Variants in HARBI1 observed in about 807,000 individuals in gnomAD.
The protein encoded by HARBI1 is putative nuclease HARBI1.
In HARBI1, 15 loss-of-function variants were observed where a neutral mutation model predicts 25.3. The ratio of observed to expected loss-of-function variants is 0.59; its 90% confidence interval spans 0.40 to 0.91. HARBI1 has a LOEUF of 0.91. HARBI1 is among the 40% of genes least tolerant of loss of function. HARBI1 has a pLI of 0.00. For synonymous variants in HARBI1, 168 were observed against 160.5 expected, an observed-to-expected ratio of 1.05 and a Z score of -0.35; for missense variants, 396 against 445.8, an observed-to-expected ratio of 0.89 and a Z score of 1.01.
At chr11:46,604,383 C>T (rs1279471155) in intron 2 of HARBI1, 7 of 851,862 alleles carry the variant, frequency 8.2e-6, no homozygotes, top group African/African-American at 1.8e-5. Flanking sequence ...CCAACCTGGG[C>T]GACAAGCGCG....
chr11:46,604,694 TC>T (rs1383568871), intron 2 of HARBI1: 1 of 985,190 alleles, frequency 1.0e-6, no homozygotes, highest in African/African-American at 1.7e-5. Flanking sequence ...AAGATAAAAG[TC>T]CGAGCACTTA....
intron 2 of HARBI1, among the ~76,000 whole-genome samples, chr11:46,614,516 G>A (rs189939541): frequency 4.6e-5 from 7 of 152,202 alleles, no homozygotes; most frequent in Admixed American, 4.6e-4. Context: ...TGGGAGGATA[G>A]CTTGAGGCCA....
At chr11:46,616,831 CAAAAAAA>C (rs749013239) in intron 1 of HARBI1, 135 of 605,008 alleles carry the variant, frequency 2.2e-4, no homozygotes, top group African/African-American at 5.4e-4. Context: ...AAAGAAGGGG[CAAAAAAA>C]AAAAAAAAAA....
At chr11:46,612,144 T>A (rs1025207235) in intron 2 of HARBI1, among the ~76,000 whole-genome samples, 4 of 152,192 alleles carry the variant, frequency 2.6e-5, no homozygotes, top group African/African-American at 7.2e-5. Flanking sequence ...AATGAGCATG[T>A]GCAGTGCAGA....
chr11:46,604,996 T>G (rs1022173542), intron 2 of HARBI1, among the ~76,000 whole-genome samples: 2 of 152,194 alleles, frequency 1.3e-5, no homozygotes, highest in Admixed American at 1.3e-4. Flanking sequence ...GTTAGTATAA[T>G]GCTTTCTTGT....
chr11:46,604,174 A>G (rs1565344282), intron 2 of HARBI1: 1 of 985,404 alleles, frequency 1.0e-6, no homozygotes, highest in Non-Finnish European at 1.2e-6. Context: ...GCCAAATATG[A>G]AAGAATGTAG....
intron 2 of HARBI1, among the ~76,000 whole-genome samples, chr11:46,607,681 A>G (rs983890996): frequency 2.0e-5 from 3 of 152,218 alleles, no homozygotes; most frequent in African/African-American, 7.2e-5. Flanking sequence ...GATTAGGATC[A>G]GAATTGCTAA....
intron 2 of HARBI1, among the ~76,000 whole-genome samples, chr11:46,605,504 CT>C (rs2044904255): frequency 6.6e-6 from 1 of 150,712 alleles, no homozygotes; most frequent in South Asian, 2.1e-4. Flanking sequence ...GCTTACATTT[CT>C]GGATTAACTG....
At chr11:46,604,781 G>T in intron 2 of HARBI1, 3 of 765,096 alleles carry the variant, frequency 3.9e-6, no homozygotes, top group Non-Finnish European at 4.8e-6. Context: ...GTAAGAGGAA[G>T]AATTTCACAT....
chr11:46,617,545 C>A (rs988446541), upstream of HARBI1: 6 of 239,548 alleles, frequency 2.5e-5, 1 homozygote, highest in South Asian at 2.1e-4. Flanking sequence ...CTTTCACCCC[C>A]CCCCCCCGGC....
Position 46,615,626 on chromosome 11 carries a change from C to T in HARBI1, c.612G>A (p.Gln204=). 5 of 1,614,234 alleles carry T rather than the reference C, an allele frequency of 3.1e-6. No homozygotes were observed. The highest frequency in any genetic ancestry group is 4.2e-6 in the Non-Finnish European group (5 of 1,180,040). ...PGSLQDCAVL[Q]QSSLSSQFEA... ...CAAACTGACTACTGAGGGAAGACTG[C>T]TGCAGCACAGCACAGTCCTGTAGGC... The change falls in exon 2 of 3, where the codon CAG becomes CAA. Residue 204 remains glutamine (Q), a synonymous_variant. Transcript: ENST00000326737.
intron 2 of HARBI1, chr11:46,604,305 A>G: frequency 2.2e-6 from 2 of 901,368 alleles, no homozygotes; most frequent in Non-Finnish European, 2.7e-6. Flanking sequence ...TGAGGCCCGG[A>G]GTTCAAGACC....
In HARBI1 at chr11:46,616,076, C is replaced by T; in HGVS notation, c.162G>A (p.Gly54=). 3 of 1,614,182 alleles carry T rather than the reference C, an allele frequency of 1.9e-6. No homozygotes were observed. Among genetic ancestry groups the T allele is most frequent in the African/African-American group, 1.3e-5 (1 of 75,040 alleles). ...QFIYYLVELL[G]ANLSRPTQRS... ...GCTGAGTAGGCCTAGAAAGATTCGC[C>T]CCCAAGAGCTCCACCAAGTAATAAA... The change falls in exon 2 of 3, where the codon GGG becomes GGA. Residue 54 remains glycine (G), a synonymous_variant. Coordinates refer to ENST00000326737, the MANE Select transcript of HARBI1 (RefSeq NM_173811.4).
chr11:46,615,723 T>G lies in HARBI1; in HGVS notation c.515A>C (p.His172Pro), dbSNP rs2045370521. ...ACACACCATCAGGCAGTTTAAAGAATGCAGGCCTTTTCGGTTCACATAGGA... is the reference window on the plus strand; with the variant it reads ...ACACACCATCAGGCAGTTTAAAGAAGGCAGGCCTTTTCGGTTCACATAGGA... ...DLSYVNRKGLHSLNCLMVCDI... is the reference protein window; with the variant it reads ...DLSYVNRKGLPSLNCLMVCDI... Residue 172 changes from histidine (H) to proline (P), a missense_variant, in exon 2 of 3, where the codon CAT (histidine) becomes CCT (proline). Transcript: ENST00000326737. 2 of 1,614,200 alleles carry G rather than the reference T, an allele frequency of 1.2e-6. No homozygotes were observed. The highest frequency in any genetic ancestry group is 1.7e-6 in the Non-Finnish European group (2 of 1,180,034).
intron 2 of HARBI1, among the ~76,000 whole-genome samples, chr11:46,612,107 A>G (rs2045205373): frequency 6.6e-6 from 1 of 152,154 alleles, no homozygotes; most frequent in Admixed American, 6.6e-5. Flanking sequence ...GTATTTCCTG[A>G]GCATCAACTC....
intron 2 of HARBI1, among the ~76,000 whole-genome samples, chr11:46,604,892 TTAAG>T (rs1301847798): frequency 1.3e-5 from 2 of 152,194 alleles, no homozygotes; most frequent in African/African-American, 4.8e-5. Flanking sequence ...GGCATTCTCC[TTAAG>T]TGACTTCTTT....
chr11:46,604,393 G>A (rs920499876), intron 2 of HARBI1: 19 of 882,086 alleles, frequency 2.2e-5, no homozygotes, highest in East Asian at 1.2e-4. Context: ...CGACAAGCGC[G>A]AAACTCCATC....
chr11:46,613,452 T>C (rs1292526476), intron 2 of HARBI1, among the ~76,000 whole-genome samples: 1 of 151,692 alleles, frequency 6.6e-6, no homozygotes, highest in Admixed American at 6.6e-5. Context: ...CTTAAACAAT[T>C]CTGGACAGTC....
chr11:46,613,641 C>A (rs1473034146), intron 2 of HARBI1, among the ~76,000 whole-genome samples: 1 of 151,910 alleles, frequency 6.6e-6, no homozygotes, highest in Non-Finnish European at 1.5e-5. Flanking sequence ...CACCACCATG[C>A]CCTGATAATT....
Sources: allele counts gnomAD v4.1 joint callset (sites outside exome capture counted in the v4.1 genomes callset), GRCh38; gene constraint gnomAD v4.1.1; transcripts MANE v1.5; gene names NCBI Gene and HGNC (gene_info 2026-07-23, HGNC 2026-07-21).